Variants in RUVBL2 observed in about 807,000 individuals in gnomAD.
RUVBL2 encodes the protein RuvB like AAA ATPase 2.
In RUVBL2, 9 loss-of-function variants were observed where a neutral mutation model predicts 57.9. The observed-to-expected ratio is 0.16, with a 90% CI of 0.09 to 0.27. RUVBL2 has a LOEUF of 0.27. Among genes scored for constraint, RUVBL2 ranks in the 10% least tolerant of loss-of-function variants. The pLI is 1.00. For missense variants in RUVBL2, 456 were observed against 669.6 expected (o/e 0.68, Z 3.52); for synonymous variants, 278 against 264.6 (o/e 1.05, Z -0.49).
Position 48,999,346 on chromosome 19 carries a change from C to A in RUVBL2, c.40C>A (p.Arg14Ser). The change falls in exon 2 of 15, where the codon CGT (arginine) becomes AGT (serine). Residue 14 changes from arginine to serine, a missense_variant. Coordinates refer to ENST00000595090, the MANE Select transcript of RUVBL2 (RefSeq NM_006666.3). ...AGCCACAACCAAAGTCCCGGAGATC[C>A]GTGATGTAACAAGGATTGAGCGAAT... ...VTATTKVPEIRDVTRIERIGA... is the reference protein window; with the variant it reads ...VTATTKVPEISDVTRIERIGA... 1.2e-6 allele frequency: 2 copies of A among 1,614,140 alleles called. No individual in the cohort carries two copies. The highest frequency in any genetic ancestry group is 1.7e-6 in the Non-Finnish European group (2 of 1,180,026).
At chr19:49,013,729 A>G (rs572818563) in intron 11 of RUVBL2, among the ~76,000 whole-genome samples, 1 of 152,334 alleles carries the variant, frequency 6.6e-6, no homozygotes, top group East Asian at 1.9e-4. Context: ...CCCGGCCAAC[A>G]TGGTGAAACC....
Position 49,011,752 on chromosome 19 carries a change from G to A in RUVBL2, c.1001+442G>A, listed in dbSNP as rs867985688. ...AAGGATGCCAGGGACAGATTCCCAT[G>A]ACACAGAGGGTACCGTGCTCTGCTG... On this transcript the variant is annotated intron_variant, in intron 11 of 14. Coordinates refer to ENST00000595090, the MANE Select transcript of RUVBL2 (RefSeq NM_006666.3). This position sits in a 1 kb window ranked among gnomAD's most constrained non-coding sequence, Gnocchi z 4.4. Among the ~76,000 whole-genome samples the A allele has an allele frequency of 6.6e-6, 1 of 152,114 alleles. No homozygotes were observed. Among genetic ancestry groups the A allele is most frequent in the South Asian group, 2.1e-4 (1 of 4,830 alleles).
In RUVBL2 at chr19:49,015,932, C is replaced by G. The variant is rs2039542100; in HGVS notation, c.*90C>G. ...AAAATGGTTGGGAAGCTGCACCCAC[C>G]CTGTGTATGTGTGGTTGCCCTGAGC... On this transcript the variant is annotated 3_prime_UTR_variant, in exon 15 of 15. Transcript: ENST00000595090. 2 of 1,613,630 alleles carry G rather than the reference C, an allele frequency of 1.2e-6. No individual in the cohort carries two copies. The highest frequency in any genetic ancestry group is 1.1e-5 in the South Asian group (1 of 91,082).
Position 49,011,373 on chromosome 19 carries a change from G to A in RUVBL2, c.1001+63G>A. On this transcript the variant is annotated intron_variant, in intron 11 of 14. Coordinates refer to ENST00000595090, the MANE Select transcript of RUVBL2 (RefSeq NM_006666.3). The surrounding 1 kb of genome is among the most constrained non-coding windows in gnomAD (Gnocchi z 4.4). Reference sequence around the variant, plus strand: ...GCTCTGGGCAGTGGGTGTGGTCAGAGGGTCAATGGGAGCCTGTGTTGACAC... The same window carrying A: ...GCTCTGGGCAGTGGGTGTGGTCAGAAGGTCAATGGGAGCCTGTGTTGACAC... The A allele has an allele frequency of 7.6e-7, 1 of 1,312,128 alleles. No homozygotes were observed. Among genetic ancestry groups the A allele is most frequent in the Non-Finnish European group, 1.1e-6 (1 of 911,646 alleles). The allele number at this position is 1,312,128 out of a possible 1,614,324, so 81.3% of individuals were successfully genotyped here.
At chr19:48,999,495 C>G in intron 2 of RUVBL2, 122 bp downstream of exon 2, 1 of 965,900 alleles carries the variant, frequency 1.0e-6, no homozygotes, top group Non-Finnish European at 1.7e-6. Flanking sequence ...TGTGCCCCCA[C>G]TACCATTCCC....
At chr19:49,001,541 C>T (rs1367058106) in intron 2 of RUVBL2, 1 of 150,398 alleles carries the variant, frequency 6.6e-6, no homozygotes, top group Non-Finnish European at 1.5e-5. Context: ...CCAGTAGAGA[C>T]TAGCTGCACC....
chr19:49,012,099 A>G (rs1182190033), intron 11 of RUVBL2, among the ~76,000 whole-genome samples: 1 of 152,018 alleles, frequency 6.6e-6, no homozygotes, highest in Non-Finnish European at 1.5e-5. Context: ...CCCCCATTCC[A>G]TTGCCCGGCA....
chr19:49,007,921 C>A (rs2039314526), intron 6 of RUVBL2, among the ~76,000 whole-genome samples: 3 of 151,018 alleles, frequency 2.0e-5, no homozygotes, highest in Non-Finnish European at 2.9e-5. Flanking sequence ...GTTGGCCAGG[C>A]TGGTCTTGAA....
At chr19:48,998,452 T>C (rs1400971292) in intron 1 of RUVBL2, among the ~76,000 whole-genome samples, 5 of 152,000 alleles carry the variant, frequency 3.3e-5, no homozygotes, top group Non-Finnish European at 7.4e-5. Context: ...CCCAGCACTT[T>C]GGGAGGCCTT....
intron 2 of RUVBL2, among the ~76,000 whole-genome samples, chr19:49,000,691 C>A (rs1429698083): frequency 6.6e-6 from 1 of 152,034 alleles, no homozygotes; most frequent in Non-Finnish European, 1.5e-5. Flanking sequence ...ATGGTGAAAC[C>A]CTGTCTCTAC....
At chr19:49,008,904 G>A (rs994074278) in intron 6 of RUVBL2, among the ~76,000 whole-genome samples, 8 of 151,458 alleles carry the variant, frequency 5.3e-5, no homozygotes, top group African/African-American at 1.9e-4. Context: ...GCTTGAATCT[G>A]GGAGGCAGAA....
At chr19:48,998,356 C>G (rs1329627179) in intron 1 of RUVBL2, among the ~76,000 whole-genome samples, 2 of 152,158 alleles carry the variant, frequency 1.3e-5, no homozygotes, top group Admixed American at 1.3e-4. Flanking sequence ...TCCATGCCTG[C>G]TCCTCATTGG....
chr19:48,993,501 G>C, upstream of RUVBL2: 3 of 429,784 alleles, frequency 7.0e-6, no homozygotes, highest in Admixed American at 1.1e-4. Context: ...GCTTGCCGCT[G>C]CGCTTTACGG....
At chr19:48,997,130 A>T (rs1291766799) in intron 1 of RUVBL2, among the ~76,000 whole-genome samples, 1 of 152,084 alleles carries the variant, frequency 6.6e-6, no homozygotes, top group East Asian at 1.9e-4. Context: ...AAGAAACCCC[A>T]TGCCTCTTAC....
chr19:49,015,168 G>C lies in RUVBL2; in HGVS notation c.1251+18G>C. 6.2e-7 allele frequency: 1 copy of C among 1,600,114 alleles called. No individual in the cohort carries two copies. The highest frequency in any genetic ancestry group is 8.5e-7 in the Non-Finnish European group (1 of 1,175,206). ...AACGCAAGGTCAGCCGGCCGAATTA[G>C]CCAGCAGGGCCAGATGGCGGCAGTG... On this transcript the variant is annotated intron_variant, in intron 13 of 14. Coordinates refer to ENST00000595090, the MANE Select transcript of RUVBL2 (RefSeq NM_006666.3).
In RUVBL2 at chr19:49,009,711, TG is replaced by T. The variant is rs2039367043; in HGVS notation, c.463-60del. On this transcript the variant is annotated intron_variant, in intron 6 of 14. Transcript: ENST00000595090. ...AGCAGAGCCAGAAGCTTATCAACAC[TG>T]GGGGCACTGGGGCAACATCAGGGCC... 5.1e-6 allele frequency: 7 copies of T among 1,378,806 alleles called. No individual in the cohort carries two copies. The Admixed American group carries it at 1.2e-4, about 23-fold the overall frequency. The allele number at this position is 1,378,806 out of a possible 1,614,324, so 85.4% of individuals were successfully genotyped here.
At chr19:49,015,457 C>A in intron 13 of RUVBL2, 115 bp from the exon 14 acceptor site, 1 of 880,776 alleles carries the variant, frequency 1.1e-6, no homozygotes, top group Non-Finnish European at 1.9e-6. Context: ...CCCAGAATGC[C>A]CTCCCCTCAC....
At position 49,010,694 on chromosome 19, in the gene RUVBL2, G is replaced by A. The variant is rs796817947; in HGVS notation, c.787+83G>A. On this transcript the variant is annotated intron_variant, in intron 9 of 14. Coordinates refer to ENST00000595090, the MANE Select transcript of RUVBL2 (RefSeq NM_006666.3). Reference sequence around the variant, plus strand: ...CGGGCTCCCTCTGTTCCTGAGCTCCGAGTGTGGCCCACCTGCTCCACGCTG... The same window carrying A: ...CGGGCTCCCTCTGTTCCTGAGCTCCAAGTGTGGCCCACCTGCTCCACGCTG... 452 of 1,568,530 alleles carry A rather than the reference G, an allele frequency of 2.9e-4. 8 individuals are homozygous for A. The South Asian group carries it at 4.2e-3, about 15-fold the overall frequency.
At chr19:49,008,199 GTTGT>G (rs2039323217) in intron 6 of RUVBL2, among the ~76,000 whole-genome samples, 2 of 149,912 alleles carry the variant, frequency 1.3e-5, no homozygotes, top group Non-Finnish European at 3.0e-5. Flanking sequence ...TTTTAGGCAT[GTTGT>G]TTGTTTACTA....
Sources: gnomAD v4.1 joint callset for allele counts (sites outside exome capture counted in the v4.1 genomes callset) on GRCh38, gnomAD v4.1.1 for gene constraint, Gnocchi (gnomAD v3.1) non-coding constraint, MANE v1.5 for transcripts, NCBI Gene and HGNC (gene_info 2026-07-23, HGNC 2026-07-21) for gene names.